The following CSMD1 variants were observed in gnomAD, a reference collection of about 807,000 sequenced individuals.
The protein encoded by CSMD1 is CUB and Sushi multiple domains 1.
Under a neutral mutation model 417.5 loss-of-function variants are expected in CSMD1, and 213 were observed. The ratio of observed to expected loss-of-function variants is 0.51; its 90% CI spans 0.46 to 0.57. The LOEUF (loss-of-function observed/expected upper bound fraction) is 0.57. CSMD1 is among the 20% of genes least tolerant of loss of function. CSMD1 has a pLI of 0.00. For missense variants in CSMD1, 6,923 were observed against 4,529.7 expected (o/e 1.53, Z -15.17); for synonymous variants, 2,862 against 1,736.8 (o/e 1.65, Z -16.11).
intron 5 of CSMD1, among the ~76,000 whole-genome samples, chr8:3,884,397 C>G (rs1462288627): frequency 6.6e-6 from 1 of 152,004 alleles, no homozygotes; most frequent in East Asian, 1.9e-4. Flanking sequence ...AAAGTGGCAT[C>G]TTCTAGCACA....
intron 52 of CSMD1, among the ~76,000 whole-genome samples, chr8:3,011,134 T>C (rs1319370494): frequency 6.6e-6 from 1 of 152,216 alleles, no homozygotes; most frequent in Non-Finnish European, 1.5e-5. Flanking sequence ...TGCTGCACCA[T>C]AGTTCTTGAG....
intron 8 of CSMD1, among the ~76,000 whole-genome samples, chr8:3,604,302 G>C (rs139421957): frequency 6.6e-5 from 10 of 151,312 alleles, no homozygotes; most frequent in African/African-American, 1.2e-4. Flanking sequence ...GAGGCTGCGG[G>C]GGGGGACCAA....
At chr8:4,861,223 T>G (rs1421237065) in intron 1 of CSMD1, among the ~76,000 whole-genome samples, 1 of 152,176 alleles carries the variant, frequency 6.6e-6, no homozygotes, top group East Asian at 1.9e-4. Context: ...ATTTCATTAC[T>G]TCTGTAGACA....
At chr8:4,927,270 C>A (rs1806934963) in intron 1 of CSMD1, among the ~76,000 whole-genome samples, 1 of 151,902 alleles carries the variant, frequency 6.6e-6, no homozygotes, top group Admixed American at 6.6e-5. Context: ...CTTGGCTAGG[C>A]TGGTCTCGAA....
At chr8:4,455,251 C>A (rs929821621) in intron 2 of CSMD1, among the ~76,000 whole-genome samples, 5 of 151,928 alleles carry the variant, frequency 3.3e-5, no homozygotes, top group African/African-American at 2.4e-5. Flanking sequence ...GGCCTTTTCC[C>A]CAGGTTAAAA....
At chr8:3,106,366 C>G (rs2129014534) in intron 46 of CSMD1, among the ~76,000 whole-genome samples, 162 bp downstream of exon 46, 1 of 152,218 alleles carries the variant, frequency 6.6e-6, no homozygotes, top group Non-Finnish European at 1.5e-5. Flanking sequence ...CCACTGTACT[C>G]CCACCTGGGT....
intron 5 of CSMD1, 78 bp from the exon 6 acceptor site, chr8:3,754,120 T>A: frequency 1.2e-6 from 1 of 840,188 alleles, no homozygotes; most frequent in Non-Finnish European, 2.0e-6. Flanking sequence ...CGCTTTGAAA[T>A]CCGATTACTT....
intron 3 of CSMD1, among the ~76,000 whole-genome samples, chr8:4,033,606 A>T (rs1797469194): frequency 6.6e-6 from 1 of 152,148 alleles, no homozygotes; most frequent in East Asian, 1.9e-4. Flanking sequence ...GTTGTGGCTC[A>T]ATCCTCTTGG....
At chr8:3,635,099 G>A (rs968768129) in intron 7 of CSMD1, among the ~76,000 whole-genome samples, 1 of 152,088 alleles carries the variant, frequency 6.6e-6, no homozygotes, top group African/African-American at 2.4e-5. Context: ...AACAGAGCTT[G>A]TGGGCCTTGA....
chr8:4,486,726 T>C (rs1000815783), intron 2 of CSMD1, among the ~76,000 whole-genome samples: 1 of 150,230 alleles, frequency 6.7e-6, no homozygotes, highest in African/African-American at 2.5e-5. Flanking sequence ...ACAAAGAGGG[T>C]TCCCCTTCAT....
chr8:4,352,193 G>A (rs1212698776), intron 3 of CSMD1, among the ~76,000 whole-genome samples: 1 of 152,128 alleles, frequency 6.6e-6, no homozygotes, highest in African/African-American at 2.4e-5. Flanking sequence ...TGCCTGGGAT[G>A]AATAAGCAAG....
intron 5 of CSMD1, among the ~76,000 whole-genome samples, chr8:3,813,091 GTTTTTTT>G (rs10714284): frequency 7.4e-6 from 1 of 135,516 alleles, no homozygotes; most frequent in African/African-American, 2.7e-5. Flanking sequence ...TTTTAAGCTA[GTTTTTTT>G]TTTTTTTTTT....
intron 10 of CSMD1, among the ~76,000 whole-genome samples, chr8:3,560,348 T>C (rs534174352): frequency 1.3e-5 from 2 of 152,192 alleles, no homozygotes; most frequent in Non-Finnish European, 2.9e-5. Flanking sequence ...ATCATTATCA[T>C]CACCACAGTT....
At chr8:3,679,543 T>C (rs1001387110) in intron 7 of CSMD1, among the ~76,000 whole-genome samples, 62 of 152,108 alleles carry the variant, frequency 4.1e-4, no homozygotes, top group Non-Finnish European at 1.0e-4. Context: ...AGCAAGTCCT[T>C]AGAGACCTAC....
intron 1 of CSMD1, among the ~76,000 whole-genome samples, chr8:4,902,597 A>G (rs1249373280): frequency 6.6e-6 from 1 of 152,244 alleles, no homozygotes; most frequent in African/African-American, 2.4e-5. Context: ...GGCTAATAAC[A>G]TCCTTTGACC....
chr8:3,177,914 T>C (rs1355229405), intron 37 of CSMD1, among the ~76,000 whole-genome samples: 1 of 152,242 alleles, frequency 6.6e-6, no homozygotes, highest in African/African-American at 2.4e-5. Flanking sequence ...TCATTGGTTT[T>C]CTTTAGAAAA....
intron 25 of CSMD1, among the ~76,000 whole-genome samples, chr8:3,296,785 C>A (rs993988737): frequency 6.6e-6 from 1 of 152,048 alleles, no homozygotes; most frequent in Non-Finnish European, 1.5e-5. Flanking sequence ...GAGTTGTCAT[C>A]CAGTGAACTG....
At chr8:4,595,353 T>A (rs1166488569) in intron 2 of CSMD1, among the ~76,000 whole-genome samples, 8 of 152,230 alleles carry the variant, frequency 5.3e-5, no homozygotes, top group Non-Finnish European at 1.2e-4. Context: ...ACAATTTATC[T>A]GTTTATTCAT....
intron 7 of CSMD1, among the ~76,000 whole-genome samples, chr8:3,618,502 G>C (rs986500721): frequency 6.6e-6 from 1 of 150,550 alleles, no homozygotes; most frequent in South Asian, 2.1e-4. Flanking sequence ...ACATTATTTT[G>C]CTGCATGATG....
Sources: allele counts gnomAD v4.1 joint callset (sites outside exome capture counted in the v4.1 genomes callset), GRCh38; gene constraint gnomAD v4.1.1; transcripts MANE v1.5; gene names NCBI Gene and HGNC (gene_info 2026-07-23, HGNC 2026-07-21).